SUGCT: variants seen among roughly 807,000 people sequenced by gnomAD.
SUGCT encodes succinyl-CoA:glutarate CoA-transferase.
SUGCT carries 41 observed loss-of-function variants against 55.0 expected under a neutral mutation model. The ratio of observed to expected loss-of-function variants is 0.74; its 90% CI spans 0.58 to 0.97. The LOEUF (loss-of-function observed/expected upper bound fraction) is 0.97. Ranked by LOEUF, SUGCT falls within the 50% of genes least tolerant of loss-of-function variation. SUGCT has a pLI of 0.00. For synonymous variants in SUGCT, 187 were observed against 200.4 expected, an observed-to-expected ratio of 0.93 and a Z score of 0.56; for missense variants, 568 against 547.8, an observed-to-expected ratio of 1.04 and a Z score of -0.37.
At chr7:40,453,080 G>C (rs565603138) in intron 10 of SUGCT, among the ~76,000 whole-genome samples, 2 of 152,006 alleles carry the variant, frequency 1.3e-5, no homozygotes, top group Non-Finnish European at 2.9e-5. Context: ...CTTTATTCCC[G>C]GTGCAAAGAA....
chr7:40,834,632 A>G (rs567938597), intron 13 of SUGCT, among the ~76,000 whole-genome samples: 1 of 152,330 alleles, frequency 6.6e-6, no homozygotes, highest in South Asian at 2.1e-4. Flanking sequence ...CACCTGGAAC[A>G]TGGCACTTAA....
intron 7 of SUGCT, among the ~76,000 whole-genome samples, chr7:40,242,121 T>C (rs771389577): frequency 4.6e-5 from 7 of 152,178 alleles, no homozygotes; most frequent in Middle Eastern, 3.4e-3. Flanking sequence ...ATATGTATTT[T>C]GATCCTCACA....
intron 12 of SUGCT, among the ~76,000 whole-genome samples, chr7:40,609,452 A>G (rs573870110): frequency 4.0e-5 from 6 of 151,896 alleles, no homozygotes; most frequent in East Asian, 1.9e-4. Flanking sequence ...CTGACGTCCC[A>G]GCTACTTGGG....
chr7:40,855,734 G>A (rs763865543), intron 13 of SUGCT, among the ~76,000 whole-genome samples: 2 of 152,162 alleles, frequency 1.3e-5, no homozygotes, highest in Non-Finnish European at 2.9e-5. Context: ...TGTGGGTCAA[G>A]GTAGTTTCAC....
At chr7:40,579,970 T>C (rs1796988661) in intron 12 of SUGCT, among the ~76,000 whole-genome samples, 1 of 152,170 alleles carries the variant, frequency 6.6e-6, no homozygotes, top group Admixed American at 6.5e-5. Flanking sequence ...GAGATAACTG[T>C]AAAGTAACTT....
chr7:40,889,282 T>G, the SUGCT span, among the ~76,000 whole-genome samples: 1 of 152,148 alleles, frequency 6.6e-6, no homozygotes, highest in Non-Finnish European at 1.5e-5. Flanking sequence ...TAGCTGGACT[T>G]GGTCTTGAAA....
At chr7:40,268,600 A>C (rs1011316737) in intron 7 of SUGCT, among the ~76,000 whole-genome samples, 1 of 152,086 alleles carries the variant, frequency 6.6e-6, no homozygotes, top group Non-Finnish European at 1.5e-5. Flanking sequence ...CTGCTATAAA[A>C]ATTTGTGTCT....
chr7:40,403,323 TACATA>T lies in SUGCT; in HGVS notation c.817-45957_817-45953del, dbSNP rs1237133158. Among the ~76,000 whole-genome samples, 18 of 152,168 alleles carry T rather than the reference TACATA, an allele frequency of 1.2e-4. No individual in the cohort carries two copies. In the East Asian group the frequency reaches 1.9e-3, roughly 16 times the overall value. On this transcript the variant is annotated intron_variant, in intron 9 of 13. Coordinates refer to ENST00000335693, the MANE Select transcript of SUGCT (RefSeq NM_001193313.2). ...GTTCCATGCAAGCTTTATTCACAGATACATAACATAAGACTTGTCATGAAGAATGA... is the reference window on the plus strand; with the variant it reads ...GTTCCATGCAAGCTTTATTCACAGATACATAAGACTTGTCATGAAGAATGA...
chr7:40,495,909 G>T (rs1023455389), intron 11 of SUGCT, among the ~76,000 whole-genome samples: 1 of 152,068 alleles, frequency 6.6e-6, no homozygotes. Flanking sequence ...TAATATATCA[G>T]TGCCTATCCT....
In SUGCT at chr7:40,727,475, T is replaced by A. The variant is rs556055424; in HGVS notation, c.1090-21959T>A. 7.2e-5 allele frequency among the ~76,000 whole-genome samples: 11 copies of A among 152,344 alleles called. No homozygotes were observed. In the South Asian group the frequency reaches 1.0e-3, roughly 14 times the overall value. On this transcript the variant is annotated intron_variant, in intron 12 of 13. Transcript: ENST00000335693. Reference sequence around the variant, plus strand: ...AGTTCCAAGGCCCTGATAGTTTTTTTATGATATACCTTCATTTATTGACAA... The same window carrying A: ...AGTTCCAAGGCCCTGATAGTTTTTTAATGATATACCTTCATTTATTGACAA...
the SUGCT span, among the ~76,000 whole-genome samples, chr7:40,943,595 AC>A: frequency 2.7e-5 from 4 of 149,834 alleles, no homozygotes; most frequent in African/African-American, 9.9e-5. Flanking sequence ...CCATGTCCCT[AC>A]AAAGGACATG....
intron 9 of SUGCT, among the ~76,000 whole-genome samples, chr7:40,415,066 ATCT>A (rs1786907684): frequency 5.6e-5 from 4 of 71,182 alleles, no homozygotes; most frequent in African/African-American, 2.6e-4. Flanking sequence ...AAAAAAATCT[ATCT>A]ATCTATCTAT....
intron 9 of SUGCT, among the ~76,000 whole-genome samples, chr7:40,399,504 C>A (rs958614396): frequency 3.2e-4 from 48 of 152,070 alleles, no homozygotes; most frequent in African/African-American, 1.1e-3. Context: ...ATTTTCAGAC[C>A]CAGCTTCTAA....
At chr7:40,376,715 T>A (rs1302239845) in intron 9 of SUGCT, among the ~76,000 whole-genome samples, 1 of 150,544 alleles carries the variant, frequency 6.6e-6, no homozygotes, top group Non-Finnish European at 1.5e-5. Context: ...TTGAATGTCT[T>A]CTCGTGTCAA....
intron 11 of SUGCT, among the ~76,000 whole-genome samples, chr7:40,476,165 A>AT (rs1298497158): frequency 6.6e-6 from 1 of 152,146 alleles, no homozygotes; most frequent in Non-Finnish European, 1.5e-5. Flanking sequence ...TTAAATGTCT[A>AT]TGTCTATGTA....
chr7:40,140,755 C>T (rs936390858), intron 1 of SUGCT, among the ~76,000 whole-genome samples: 1 of 152,080 alleles, frequency 6.6e-6, no homozygotes, highest in Non-Finnish European at 1.5e-5. Flanking sequence ...CTACTATAGC[C>T]TTGTAGTATA....
the SUGCT span, among the ~76,000 whole-genome samples, chr7:40,898,029 C>T: frequency 0.013 from 1,958 of 152,214 alleles, 46 homozygotes; most frequent in African/African-American, 0.045. Flanking sequence ...TGTGTTCTTT[C>T]GCTTTTCAGA....
chr7:40,306,237 T>C (rs1794847811), intron 8 of SUGCT, among the ~76,000 whole-genome samples: 1 of 152,326 alleles, frequency 6.6e-6, no homozygotes. Flanking sequence ...TCAATACTTT[T>C]CCAAACATGT....
intron 12 of SUGCT, among the ~76,000 whole-genome samples, chr7:40,668,095 C>A (rs1323322312): frequency 1.3e-5 from 2 of 152,074 alleles, no homozygotes; most frequent in Non-Finnish European, 2.9e-5. Context: ...AGATTTCATA[C>A]TTGAGTTAAT....
Sources: gnomAD v4.1 joint callset for allele counts (sites outside exome capture counted in the v4.1 genomes callset) on GRCh38, gnomAD v4.1.1 for gene constraint, MANE v1.5 for transcripts, NCBI Gene and HGNC (gene_info 2026-07-23, HGNC 2026-07-21) for gene names.